The following MED23 variants were observed in gnomAD, a reference collection of about 807,000 sequenced individuals.
MED23 encodes the protein mediator of RNA polymerase II transcription subunit 23.
In MED23, 105 loss-of-function variants were observed where a neutral mutation model predicts 163.9. The observed-to-expected ratio is 0.64, with a 90% confidence interval of 0.55 to 0.75. MED23 has a LOEUF of 0.75. Ranked by LOEUF, MED23 falls within the 30% of genes least tolerant of loss-of-function variation. The pLI, the probability that MED23 is intolerant of heterozygous loss-of-function variation, is 0.00. For synonymous variants in MED23, 561 were observed against 565.6 expected (o/e 0.99, Z 0.12); for missense variants, 1,054 against 1,649.0 (o/e 0.64, Z 6.25).
chr6:131,622,450 T>C (rs958431778), intron 5 of MED23, among the ~76,000 whole-genome samples: 1 of 152,150 alleles, frequency 6.6e-6, no homozygotes, highest in Admixed American at 6.5e-5. Flanking sequence ...TCACATACCT[T>C]AATCTCTCAA....
intron 26 of MED23, among the ~76,000 whole-genome samples, chr6:131,590,738 C>G (rs1020306669): frequency 1.3e-5 from 2 of 151,862 alleles, no homozygotes; most frequent in Non-Finnish European, 2.9e-5. Flanking sequence ...AAGTGATTCT[C>G]CTGCTGACTA....
intron 18 of MED23, among the ~76,000 whole-genome samples, chr6:131,599,433 A>C (rs531464219): frequency 7.9e-5 from 12 of 152,338 alleles, no homozygotes; most frequent in African/African-American, 2.6e-4. Flanking sequence ...TCTGTGATTA[A>C]GAAAAAAATT....
At chr6:131,593,954 T>A in intron 23 of MED23, 145 bp downstream of exon 23, 4 of 670,058 alleles carry the variant, frequency 6.0e-6, no homozygotes. Flanking sequence ...AGATTTCAAA[T>A]CTTTACAGAG....
intron 26 of MED23, among the ~76,000 whole-genome samples, chr6:131,591,043 C>T (rs1000585240): frequency 2.7e-5 from 4 of 150,066 alleles, no homozygotes; most frequent in Non-Finnish European, 4.4e-5. Context: ...TGCAGTGGCG[C>T]GATCTTGGTT....
At chr6:131,606,453 TAA>T in intron 13 of MED23, 24 bp downstream of exon 13, 1 of 1,606,744 alleles carries the variant, frequency 6.2e-7, no homozygotes. Context: ...ACAAGAAAAT[TAA>T]GTATCAAGCA....
intron 8 of MED23, among the ~76,000 whole-genome samples, 183 bp from the exon 9 acceptor site, chr6:131,618,702 T>C (rs1776868487): frequency 6.6e-6 from 1 of 152,236 alleles, no homozygotes; most frequent in Admixed American, 6.5e-5. Flanking sequence ...TAGTTGAAGA[T>C]CAATTTGCAC....
intron 26 of MED23, among the ~76,000 whole-genome samples, chr6:131,590,776 G>A (rs765800288): frequency 1.3e-5 from 2 of 151,684 alleles, no homozygotes; most frequent in Non-Finnish European, 2.9e-5. Context: ...ACACCACCAC[G>A]CCTGGCTAAT....
chr6:131,615,586 C>T (rs1334456504), intron 10 of MED23: 2 of 476,040 alleles, frequency 4.2e-6, no homozygotes, highest in South Asian at 2.9e-5. Flanking sequence ...AAAATAGACA[C>T]CCAAACAACA....
rs752994789 is a variant in MED23, at chr6:131,605,473, C to T, written c.1380G>A (p.Gln460=). ...SLRLHHEFLQ[Q]SLRNKSLQMN... ...TCTGTAAACTTTTATTTCTTAGACT[C>T]TGCTGCAGGAACCTAAATATTCACG... The change falls in exon 14 of 29, where the codon CAG becomes CAA. Residue 460 remains glutamine (Q), a synonymous_variant. Transcript: ENST00000368068. The T allele has an allele frequency of 6.3e-7, 1 of 1,588,444 alleles. No homozygotes were observed. Among genetic ancestry groups the T allele is most frequent in the Non-Finnish European group, 8.6e-7 (1 of 1,166,966 alleles).
intron 5 of MED23, among the ~76,000 whole-genome samples, chr6:131,622,408 A>T (rs1334627930): frequency 6.6e-6 from 1 of 152,202 alleles, no homozygotes; most frequent in Non-Finnish European, 1.5e-5. Flanking sequence ...GGTGTAAGCC[A>T]CTGTGACTGG....
At chr6:131,621,834 G>T (rs1164979045) in intron 6 of MED23, 47 bp downstream of exon 6, 1 of 1,330,810 alleles carries the variant, frequency 7.5e-7, no homozygotes, top group South Asian at 1.3e-5. Flanking sequence ...AACAAAGCTA[G>T]ACTTTTTTGA....
chr6:131,591,448 A>T lies in MED23; in HGVS notation c.3551T>A (p.Val1184Asp). The change falls in exon 26 of 29, where the codon GTT becomes GAT. Residue 1184 changes from valine (V) to aspartate (D), a missense_variant. Around this residue, in one of 11 missense-constraint regions of MED23, gnomAD observed 362 missense variants for 471.6 expected, o/e 0.77. Transcript: ENST00000368068. The stretch of plus-strand genomic sequence containing the variant: ...ATCAAAGAGGCGGAATGGATAGCCA[A>T]CCCACTCTGTTTCAGACGTCAAGCT... Reference protein sequence around the residue: ...SPSLTSETEWVGYPFRLFDFT... With the variant: ...SPSLTSETEWDGYPFRLFDFT... The T allele has an allele frequency of 1.9e-6, 3 of 1,613,948 alleles. No individual in the cohort carries two copies. Among genetic ancestry groups the T allele is most frequent in the Non-Finnish European group, 2.5e-6 (3 of 1,179,846 alleles).
At chr6:131,591,581 C>A in intron 25 of MED23, 54 bp from the exon 26 acceptor site, 1 of 1,310,552 alleles carries the variant, frequency 7.6e-7, no homozygotes. Context: ...GCATTCCACC[C>A]CAAAGTCTAA....
At chr6:131,579,487 T>G (rs1405288185) in intron 30 of MED23, 2 of 527,756 alleles carry the variant, frequency 3.8e-6, no homozygotes, top group Non-Finnish European at 6.7e-6. Flanking sequence ...AATATCTGTA[T>G]TTTGACCTAG....
rs767935490 is a variant in MED23, at chr6:131,627,420, T to C, written c.135A>G (p.Arg45=). Residue 45 remains arginine (R), a synonymous_variant, in exon 3 of 29, where the codon AGA becomes AGG. Coordinates refer to ENST00000368068, the MANE Select transcript of MED23 (RefSeq NM_004830.4). The part of the protein sequence containing the change: ...TKLISCLGAF[R]QFWGGLSQES... ...CCTGAGAAAGACCACCCCAAAACTG[T>C]CTGAAGGCCCCCAAACAGCTAATTA... The C allele has an allele frequency of 5.0e-6, 8 of 1,613,468 alleles. No homozygotes were observed. The South Asian group carries it at 8.8e-5, about 18-fold the overall frequency.
chr6:131,627,675 G>GAAAA lies in MED23; in HGVS notation c.40-4_40-3insTTTT. ...GCCTCTTCTATAACTTCCGTTTTCTGTAAAAAAAAAAAAAACAAAATGTAA... is the reference window on the plus strand; with the variant it reads ...GCCTCTTCTATAACTTCCGTTTTCTGAAAATAAAAAAAAAAAAAACAAAATGTAA... On this transcript the variant is annotated splice_region_variant and splice_polypyrimidine_tract_variant and intron_variant, in intron 1 of 28. Coordinates refer to ENST00000368068, the MANE Select transcript of MED23 (RefSeq NM_004830.4). The GAAAA allele has an allele frequency of 7.3e-7, 1 of 1,377,760 alleles. No homozygotes were observed. Among genetic ancestry groups the GAAAA allele is most frequent in the Admixed American group, 2.1e-5 (1 of 46,814 alleles). The allele number at this position is 1,377,760 out of a possible 1,614,324, so 85.3% of individuals were successfully genotyped here. A position where few individuals can be genotyped will look rare whatever the true frequency, so the allele number is the denominator to read the frequency against.
intron 12 of MED23, among the ~76,000 whole-genome samples, chr6:131,607,027 C>T (rs1279782623): frequency 2.0e-5 from 3 of 151,718 alleles, no homozygotes; most frequent in Admixed American, 1.3e-4. Flanking sequence ...TTTTTAAGAA[C>T]AGATAAAAAT....
chr6:131,598,334 C>T lies in MED23; in HGVS notation c.2560G>A (p.Val854Ile). ...AGTGTAACAATGTTATACTTCCATA[C>T]CATGTCATTAAGAATTTCAATGCAT... ...NKCIEILNDM[V>I]WKYNIVTLDR... Residue 854 changes from valine (V) to isoleucine (I), a missense_variant, in exon 20 of 29, where the codon GTA becomes ATA. Around this residue, in one of 11 missense-constraint regions of MED23, gnomAD observed 228 missense variants for 461.3 expected, o/e 0.49. Transcript: ENST00000368068. This position sits in a 1 kb window ranked among gnomAD's most constrained non-coding sequence, Gnocchi z 4.7. 2 of 1,614,082 alleles carry T rather than the reference C, an allele frequency of 1.2e-6. No individual in the cohort carries two copies. Among genetic ancestry groups the T allele is most frequent in the Non-Finnish European group, 1.7e-6 (2 of 1,179,966 alleles).
Position 131,605,456 on chromosome 6 carries a change from CT to C in MED23, c.1396del (p.Ser466ValfsTer4). ...EFLQQSLRNK[S>X]LQMNDYKIAL... The stretch of plus-strand genomic sequence containing the variant: ...AATCTTATAGTCATTCATCTGTAAA[CT>C]TTTATTTCTTAGACTCTGCTGCAGG... On this transcript the variant is annotated frameshift_variant, in exon 14 of 29. Transcript: ENST00000368068. LOFTEE classifies it high-confidence loss of function. The C allele has an allele frequency of 1.2e-6, 2 of 1,604,216 alleles. No individual in the cohort carries two copies. Among genetic ancestry groups the C allele is most frequent in the Admixed American group, 1.7e-5 (1 of 59,282 alleles).
Sources: gnomAD v4.1 joint callset for allele counts (sites outside exome capture counted in the v4.1 genomes callset) on GRCh38, gnomAD v4.1.1 for gene constraint, gnomAD v4.1.1 regional missense constraint, Gnocchi (gnomAD v3.1) non-coding constraint, MANE v1.5 for transcripts, NCBI Gene and HGNC (gene_info 2026-07-23, HGNC 2026-07-21) for gene names.